Variants in MACF1 observed in about 807,000 individuals in gnomAD.
MACF1 encodes microtubule actin crosslinking factor 1, also known as microtubule-actin cross-linking factor 1.
MACF1 carries 193 observed loss-of-function variants against 854.8 expected under a neutral mutation model. The observed-to-expected ratio is 0.23, with a 90% confidence interval of 0.20 to 0.25. The LOEUF (loss-of-function observed/expected upper bound fraction) is 0.25, where lower values mean the gene tolerates loss of function less well. MACF1 is among the 10% of genes least tolerant of loss of function. The pLI, the probability that MACF1 is intolerant of heterozygous loss-of-function variation, is 1.00. For synonymous variants in MACF1, 3,185 were observed against 3,226.7 expected, an observed-to-expected ratio of 0.99 and a Z score of 0.44; for missense variants, 7,722 against 8,929.1, an observed-to-expected ratio of 0.86 and a Z score of 5.45.
At chr1:39,396,716 T>G (rs889183027) in intron 58 of MACF1, among the ~76,000 whole-genome samples, 1 of 152,208 alleles carries the variant, frequency 6.6e-6, no homozygotes, top group East Asian at 1.9e-4. Context: ...ATGAGTTTCT[T>G]TGAAGGGCCG....
chr1:39,190,504 A>G (rs1644242701), intron 2 of MACF1, among the ~76,000 whole-genome samples: 1 of 147,170 alleles, frequency 6.8e-6, no homozygotes, highest in African/African-American at 2.5e-5. Context: ...CACCCAGCTA[A>G]CTTATTGTAT....
intron 50 of MACF1, 38 bp downstream of exon 50, chr1:39,368,352 A>C (rs1557613547): frequency 6.4e-7 from 1 of 1,573,816 alleles, no homozygotes; most frequent in East Asian, 2.3e-5. Flanking sequence ...TTGGGGAACT[A>C]TTTTTTCTTG....
intron 95 of MACF1, among the ~76,000 whole-genome samples, chr1:39,467,374 AAAAAG>A (rs370650756): frequency 1.5e-4 from 23 of 152,230 alleles, no homozygotes; most frequent in African/African-American, 5.5e-4. Context: ...CAAAAAAAAG[AAAAAG>A]AAAAAGAAAA....
intron 2 of MACF1, chr1:39,103,099 G>A (rs1239046876): frequency 1.7e-6 from 1 of 581,436 alleles, no homozygotes; most frequent in South Asian, 1.7e-5. Context: ...AAGCTCTCTA[G>A]CCACAACCTA....
rs553701712 is a variant in MACF1, at chr1:39,155,434, G to T, written c.220+70996G>T. Reference sequence around the variant, plus strand: ...GAGTCTCTGAATAGACTTTAAAAAAGCAAAAGGAACCAGCTCTTCTTTAGC... The same window carrying T: ...GAGTCTCTGAATAGACTTTAAAAAATCAAAAGGAACCAGCTCTTCTTTAGC... On this transcript the variant is annotated intron_variant, in intron 2 of 93. Transcript: ENST00000361689. Among the ~76,000 whole-genome samples the T allele has an allele frequency of 1.1e-3, 171 of 152,230 alleles. 1 individual carries two copies. The highest frequency in any genetic ancestry group is 3.8e-3 in the African/African-American group (157 of 41,520).
chr1:39,321,236 A>T (rs1375478803), intron 31 of MACF1, among the ~76,000 whole-genome samples: 1 of 152,218 alleles, frequency 6.6e-6, no homozygotes, highest in Admixed American at 6.5e-5. Context: ...TACTTTGAGT[A>T]TGCACTTAGA....
At position 39,337,177 on chromosome 1, in the gene MACF1, C is replaced by T. The variant is rs1375736543; in HGVS notation, c.10066-5C>T. The T allele has an allele frequency of 1.2e-6, 2 of 1,609,452 alleles. No individual in the cohort carries two copies. Among genetic ancestry groups the T allele is most frequent in the Admixed American group, 1.7e-5 (1 of 59,372 alleles). ...ACTGAGTCAGCTTTCTTTTTGGCTC[C>T]ACAGAATGTATTTACCCGGCAACTC... On this transcript the variant is annotated splice_polypyrimidine_tract_variant and splice_region_variant and intron_variant, in intron 37 of 100. Coordinates refer to ENST00000564288, the MANE Select transcript of MACF1 (RefSeq NM_001394062.1).
At chr1:39,293,134 T>A (rs925281624) in intron 17 of MACF1, among the ~76,000 whole-genome samples, 1 of 152,188 alleles carries the variant, frequency 6.6e-6, no homozygotes, top group African/African-American at 2.4e-5. Context: ...ACTAAAAGTT[T>A]GAGATTTGTA....
intron 23 of MACF1, among the ~76,000 whole-genome samples, chr1:39,303,464 T>A (rs775908779): frequency 6.6e-6 from 1 of 151,944 alleles, no homozygotes; most frequent in Admixed American, 6.6e-5. Context: ...GGCATGAGAA[T>A]TGCTTGACCA....
At chr1:39,286,148 G>T (rs1645637037) in intron 14 of MACF1, among the ~76,000 whole-genome samples, 1 of 151,992 alleles carries the variant, frequency 6.6e-6, no homozygotes, top group Non-Finnish European at 1.5e-5. Flanking sequence ...CAAGTAGCTA[G>T]GCCTATAAGT....
At chr1:39,481,055 G>T (rs1645003060) in intron 99 of MACF1, 25 bp downstream of exon 99, 1 of 1,455,808 alleles carries the variant, frequency 6.9e-7, no homozygotes, top group Non-Finnish European at 9.4e-7. Flanking sequence ...TGCTGACTGA[G>T]GACACAGTCA....
intron 49 of MACF1, among the ~76,000 whole-genome samples, chr1:39,366,232 C>T (rs1648698383): frequency 6.6e-6 from 1 of 152,190 alleles, no homozygotes. Flanking sequence ...TTCACGCAAA[C>T]ACATATACAT....
In MACF1 at chr1:39,486,038, A is replaced by G; in HGVS notation, c.*244A>G. ...CCCAGAAATGAAATATTTGAGAAAA[A>G]CAAGTGAAAAGGTCAAGATACAAAT... On this transcript the variant is annotated 3_prime_UTR_variant, in exon 101 of 101. Coordinates refer to ENST00000564288, the MANE Select transcript of MACF1 (RefSeq NM_001394062.1). 2.8e-6 allele frequency: 1 copy of G among 354,474 alleles called. No individual in the cohort carries two copies. The highest frequency in any genetic ancestry group is 5.0e-6 in the Non-Finnish European group (1 of 200,918). 22.0% of individuals were successfully genotyped at this position (354,474 alleles called of 1,614,324 possible).
At chr1:39,292,914 A>G (rs1462713717) in intron 17 of MACF1, 71 bp downstream of exon 17, 2 of 1,286,608 alleles carry the variant, frequency 1.6e-6, no homozygotes, top group African/African-American at 3.0e-5. Flanking sequence ...CTCTTCCGTA[A>G]TTCAGAAATC....
chr1:39,423,013 T>C (rs1332367375), intron 60 of MACF1, 113 bp downstream of exon 60: 1 of 897,350 alleles, frequency 1.1e-6, no homozygotes. Flanking sequence ...CCTAAACTAC[T>C]TTGTGTCGTC....
chr1:39,393,196 A>AAAATAT (rs57576149), intron 58 of MACF1, among the ~76,000 whole-genome samples: 66 of 66,562 alleles, frequency 9.9e-4, no homozygotes, highest in East Asian at 3.0e-3. Flanking sequence ...AAAAAAAAAA[A>AAAATAT]ATATATATAT....
chr1:39,398,833 A>G (rs1452465759), intron 58 of MACF1, among the ~76,000 whole-genome samples: 2 of 152,170 alleles, frequency 1.3e-5, no homozygotes. Context: ...GTGGAAATCA[A>G]TCAGCTGTGT....
chr1:39,254,498 T>G, intron 5 of MACF1, 123 bp downstream of exon 5: 1 of 829,772 alleles, frequency 1.2e-6, no homozygotes, highest in Non-Finnish European at 2.0e-6. Flanking sequence ...GACCCAGTTC[T>G]GAGTCTTAAC....
At chr1:39,310,788 C>G (rs768695679) in intron 25 of MACF1, 43 bp from the exon 26 acceptor site, 1 of 1,559,154 alleles carries the variant, frequency 6.4e-7, no homozygotes, top group South Asian at 1.2e-5. Flanking sequence ...CTGCTTATCT[C>G]TGATGTCGAG....
Sources: gnomAD v4.1 joint callset for allele counts (sites outside exome capture counted in the v4.1 genomes callset) on GRCh38, gnomAD v4.1.1 for gene constraint, MANE v1.5 for transcripts, NCBI Gene and HGNC (gene_info 2026-07-23, HGNC 2026-07-21) for gene names.